The following ACAD11 variants were observed in gnomAD, a reference collection of about 807,000 sequenced individuals.
ACAD11 encodes acyl-Coenzyme A dehydrogenase family, member 11.
In ACAD11, 83 loss-of-function variants were observed where a neutral mutation model predicts 102.2. That is an observed-to-expected ratio of 0.81 (90% CI 0.68 to 0.97). The LOEUF is 0.97. Ranked by LOEUF, ACAD11 falls within the 50% of genes least tolerant of loss-of-function variation. The pLI is 0.00. For missense variants in ACAD11, 901 were observed against 951.7 expected (o/e 0.95, Z 0.70); for synonymous variants, 324 against 319.8 (o/e 1.01, Z -0.14).
In ACAD11 at chr3:132,558,299, C is replaced by T. The variant is rs1363021341; in HGVS notation, c.*672G>A. On this transcript the variant is annotated 3_prime_UTR_variant, in exon 20 of 20. Coordinates refer to ENST00000264990, the MANE Select transcript of ACAD11 (RefSeq NM_032169.5). ...CAGATTTCAAGGTGCTTCTACGTGGCTTCAGCAATTCTCACAACAAACCCT... is the reference window on the plus strand; with the variant it reads ...CAGATTTCAAGGTGCTTCTACGTGGTTTCAGCAATTCTCACAACAAACCCT... 2.6e-5 allele frequency: 4 copies of T among 152,110 alleles called. No individual in the cohort carries two copies. Among genetic ancestry groups the T allele is most frequent in the Admixed American group, 2.6e-4 (4 of 15,266 alleles). The allele number at this position is 152,110 out of a possible 1,614,324, so 9.4% of individuals were successfully genotyped here. A position where few individuals can be genotyped will look rare whatever the true frequency, so the allele number is the denominator to read the frequency against.
chr3:132,586,502 C>A (rs1296399455), intron 13 of ACAD11, among the ~76,000 whole-genome samples: 3 of 151,618 alleles, frequency 2.0e-5, no homozygotes, highest in African/African-American at 4.8e-5. Context: ...AAAAAAAAAA[C>A]CACATGCATT....
chr3:132,586,365 T>C (rs1937825080), intron 13 of ACAD11, among the ~76,000 whole-genome samples: 1 of 151,994 alleles, frequency 6.6e-6, no homozygotes, highest in Non-Finnish European at 1.5e-5. Context: ...GCAGGAGAGA[T>C]AGCATTAGGA....
At position 132,639,726 on chromosome 3, in the gene ACAD11, A is replaced by C. The variant is rs1940412695; in HGVS notation, c.538-70T>G. 2.8e-6 allele frequency: 4 copies of C among 1,448,574 alleles called. No homozygotes were observed. The South Asian group carries it at 5.1e-5, about 19-fold the overall frequency. 89.7% of individuals were successfully genotyped at this position (1,448,574 alleles called of 1,614,324 possible). ...TGTAGGATCTAGCAATTCTAAAATT[A>C]AAACAAAATTCAAATGCTGTTTTAC... On this transcript the variant is annotated intron_variant, in intron 4 of 19. Coordinates refer to ENST00000264990, the MANE Select transcript of ACAD11 (RefSeq NM_032169.5).
intron 9 of ACAD11, 63 bp from the exon 10 acceptor site, chr3:132,619,608 A>G (rs1256678683): frequency 2.3e-6 from 2 of 888,462 alleles, no homozygotes; most frequent in Non-Finnish European, 3.5e-6. Flanking sequence ...ACAATGTCAT[A>G]AACTGCTAAT....
chr3:132,575,686 A>G, intron 17 of ACAD11, 86 bp downstream of exon 17: 2 of 1,515,368 alleles, frequency 1.3e-6, no homozygotes, highest in Non-Finnish European at 1.8e-6. Context: ...ATGTAGAGAA[A>G]GTCTGTCTCT....
chr3:132,579,483 T>A lies in ACAD11; in HGVS notation c.1688+9A>T, dbSNP rs1190742476. The stretch of plus-strand genomic sequence containing the variant: ...TACACAGGTTTCTCAATCAGAATTG[T>A]TTAATTACCTGGAGAGAGAAGTATT... On this transcript the variant is annotated intron_variant, in intron 14 of 19. Coordinates refer to ENST00000264990, the MANE Select transcript of ACAD11 (RefSeq NM_032169.5). 6.2e-7 allele frequency: 1 copy of A among 1,610,098 alleles called. No individual in the cohort carries two copies. The highest frequency in any genetic ancestry group is 2.2e-5 in the East Asian group (1 of 44,746).
At position 132,589,948 on chromosome 3, in the gene ACAD11, T is replaced by C. The variant is rs1266557330; in HGVS notation, c.1622-10390A>G. On this transcript the variant is annotated intron_variant, in intron 13 of 19. Coordinates refer to ENST00000264990, the MANE Select transcript of ACAD11 (RefSeq NM_032169.5). ...GTTCTCATCATTTAGTTCCCACTTA[T>C]AAGTGAGAACATGCGGTATTTGTTC... is the stretch of plus-strand genomic sequence containing the variant. Among the ~76,000 whole-genome samples the C allele has an allele frequency of 2.6e-5, 4 of 152,232 alleles. No homozygotes were observed. In the South Asian group the frequency reaches 6.2e-4, roughly 24 times the overall value.
intron 1 of ACAD11, among the ~76,000 whole-genome samples, chr3:132,653,371 A>G (rs1051919831): frequency 4.6e-5 from 7 of 152,214 alleles, no homozygotes; most frequent in African/African-American, 1.7e-4. Flanking sequence ...TACTGCATAC[A>G]ATAATCTGTA....
intron 13 of ACAD11, among the ~76,000 whole-genome samples, chr3:132,586,545 A>G (rs1937837379): frequency 6.6e-6 from 1 of 152,148 alleles, no homozygotes; most frequent in African/African-American, 2.4e-5. Flanking sequence ...CTGCAATCAG[A>G]TACCAAATAT....
chr3:132,620,559 C>T (rs2107849693), intron 9 of ACAD11, among the ~76,000 whole-genome samples: 1 of 152,286 alleles, frequency 6.6e-6, no homozygotes, highest in Non-Finnish European at 1.5e-5. Context: ...TGGAATTGCA[C>T]TTCCCAAAGA....
chr3:132,600,053 A>G (rs3804636), intron 13 of ACAD11, among the ~76,000 whole-genome samples: 14,135 of 152,248 alleles, frequency 0.093, 819 homozygotes, highest in South Asian at 0.14. Flanking sequence ...AATCTAATTA[A>G]ATTTTCATAT....
At chr3:132,583,174 T>C (rs1937640069) in intron 13 of ACAD11, among the ~76,000 whole-genome samples, 1 of 152,202 alleles carries the variant, frequency 6.6e-6, no homozygotes, top group Non-Finnish European at 1.5e-5. Context: ...TGAATCCATC[T>C]AGTCCTGGAC....
chr3:132,622,246 T>C (rs2107852292), intron 9 of ACAD11, among the ~76,000 whole-genome samples: 1 of 152,318 alleles, frequency 6.6e-6, no homozygotes, highest in East Asian at 1.9e-4. Flanking sequence ...CATTGAAGCA[T>C]GGCTAGTCTA....
At position 132,605,140 on chromosome 3, in the gene ACAD11, G is replaced by T. The variant is rs1194755235; in HGVS notation, c.1480C>A (p.Pro494Thr). Reference protein sequence around the residue: ...SEEQKKQWLEPLLQGNITSCF... With the variant: ...SEEQKKQWLETLLQGNITSCF... ...GAGGTAATGTTCCCTTGAAGAAGAG[G>T]CTCAAGCCACTGTTTCTTCTGTTCC... Residue 494 changes from proline (P) to threonine (T), a missense_variant, in exon 12 of 20, where the codon CCT becomes ACT. Pro to Thr is a conservative substitution (Grantham distance 38, BLOSUM62 -1). Coordinates refer to ENST00000264990, the MANE Select transcript of ACAD11 (RefSeq NM_032169.5). 1 of 1,613,520 alleles carries T rather than the reference G, an allele frequency of 6.2e-7. No individual in the cohort carries two copies. The highest frequency in any genetic ancestry group is 8.5e-7 in the Non-Finnish European group (1 of 1,179,670).
intron 12 of ACAD11, 22 bp downstream of exon 12, chr3:132,605,076 G>C (rs750696361): frequency 1.4e-5 from 22 of 1,554,638 alleles, no homozygotes; most frequent in Non-Finnish European, 1.5e-5. Context: ...TACACAAGGA[G>C]AGAATGGTGA....
At chr3:132,622,145 T>C (rs966618877) in intron 9 of ACAD11, among the ~76,000 whole-genome samples, 4 of 152,334 alleles carry the variant, frequency 2.6e-5, no homozygotes, top group African/African-American at 7.2e-5. Context: ...CTTACAAACA[T>C]TGTCAAAACT....
intron 13 of ACAD11, among the ~76,000 whole-genome samples, chr3:132,580,974 G>C (rs528442396): frequency 1.3e-5 from 2 of 152,054 alleles, no homozygotes; most frequent in East Asian, 1.9e-4. Flanking sequence ...GAGAAAAACA[G>C]AGGGAATAAT....
In ACAD11 at chr3:132,639,588, C is replaced by T. The variant is rs199948951; in HGVS notation, c.606G>A (p.Ser202=). ...HQDIPAMQQL[S]EWLMKNLPDN... ...CGGGCAAGTTCTTCATTAGCCACTC[C>T]GATAGCTGTTGCATGGCAGGGATGT... Residue 202 remains serine (S), a synonymous_variant, in exon 5 of 20, where the codon TCG becomes TCA. Coordinates refer to ENST00000264990, the MANE Select transcript of ACAD11 (RefSeq NM_032169.5). 17 of 1,613,710 alleles carry T rather than the reference C, an allele frequency of 1.1e-5. No individual in the cohort carries two copies. The highest frequency in any genetic ancestry group is 1.7e-5 in the Admixed American group (1 of 59,964).
intron 6 of ACAD11, 35 bp downstream of exon 6, chr3:132,631,306 T>C: frequency 7.8e-7 from 1 of 1,279,916 alleles, no homozygotes; most frequent in Non-Finnish European, 1.0e-6. Context: ...CAGTTTTATA[T>C]TAATAGCAAT....
Sources: gnomAD v4.1 joint callset for allele counts (sites outside exome capture counted in the v4.1 genomes callset) on GRCh38, gnomAD v4.1.1 for gene constraint, MANE v1.5 for transcripts, NCBI Gene and HGNC (gene_info 2026-07-23, HGNC 2026-07-21) for gene names.